The following ARHGEF38 variants were observed in gnomAD, a reference collection of about 807,000 sequenced individuals.
The protein encoded by ARHGEF38 is Rho guanine nucleotide exchange factor (GEF) 38.
A neutral mutation model predicts 79.9 loss-of-function variants in ARHGEF38; 79 were observed. The observed-to-expected ratio is 0.99, with a 90% CI of 0.82 to 1.19. The LOEUF is 1.19. Ranked by LOEUF, ARHGEF38 falls within the 50% of genes most tolerant of loss-of-function variation. The probability of loss-of-function intolerance (pLI) is 0.00; values close to 1 mark genes in which losing one functional copy is unlikely to be tolerated. For missense variants in ARHGEF38, 962 were observed against 907.2 expected, an observed-to-expected ratio of 1.06 and a Z score of -0.78; for synonymous variants, 366 against 328.3, an observed-to-expected ratio of 1.11 and a Z score of -1.24.
intron 3 of ARHGEF38, among the ~76,000 whole-genome samples, chr4:105,621,764 A>C (rs1364067517): frequency 6.6e-6 from 1 of 152,178 alleles, no homozygotes; most frequent in East Asian, 1.9e-4. Context: ...TGTTTTACTC[A>C]GGACACAAAT....
At chr4:105,576,618 G>C (rs1726514840) in intron 1 of ARHGEF38, among the ~76,000 whole-genome samples, 1 of 152,036 alleles carries the variant, frequency 6.6e-6, no homozygotes, top group Admixed American at 6.6e-5. Context: ...TCACCAGTGA[G>C]CAGTGAAGTT....
chr4:105,552,693 T>G lies in ARHGEF38; in HGVS notation c.-73T>G, dbSNP rs1725051908. The G allele has an allele frequency of 2.3e-6, 3 of 1,310,504 alleles. No homozygotes were observed. The East Asian group carries it at 7.0e-5, about 31-fold the overall frequency. 81.2% of individuals were successfully genotyped at this position (1,310,504 alleles called of 1,614,324 possible). A position where few individuals can be genotyped will look rare whatever the true frequency, so the allele number is the denominator to read the frequency against. On this transcript the variant is annotated 5_prime_UTR_variant, in exon 1 of 14. Coordinates refer to ENST00000420470, the MANE Select transcript of ARHGEF38 (RefSeq NM_001242729.2). ...CAGATAAACTCGTCACTCTAGTAGC[T>G]TTAACCCTCACCCTGAGGCACCTTA...
At position 105,589,228 on chromosome 4, in the gene ARHGEF38, T is replaced by C. The variant is rs1208126855; in HGVS notation, c.197-20T>C. ...AAACCTCAGCAGAATGCCTCACCTG[T>C]ATATGTTTTCATTTAACAGAAAAGA... On this transcript the variant is annotated intron_variant, in intron 1 of 13. Coordinates refer to ENST00000420470, the MANE Select transcript of ARHGEF38 (RefSeq NM_001242729.2). The C allele has an allele frequency of 3.1e-6, 5 of 1,598,400 alleles. No homozygotes were observed. The highest frequency in any genetic ancestry group is 4.5e-5 in the East Asian group (2 of 44,750).
chr4:105,601,948 T>C (rs891382465), intron 2 of ARHGEF38, among the ~76,000 whole-genome samples: 8 of 152,206 alleles, frequency 5.3e-5, no homozygotes, highest in African/African-American at 1.7e-4. Flanking sequence ...TTATGAATCA[T>C]GAATTTTGTC....
rs1452250828 is a variant in ARHGEF38 at position 105,659,338 on chromosome 4, A to G, written c.1518A>G (p.Ala506=). 6 of 1,535,176 alleles carry G rather than the reference A, an allele frequency of 3.9e-6. No individual in the cohort carries two copies. Among genetic ancestry groups the G allele is most frequent in the Admixed American group, 2.0e-5 (1 of 50,968 alleles). Residue 506 remains alanine, a synonymous_variant, in exon 10 of 14, where the codon GCA becomes GCG. Coordinates refer to ENST00000420470, the MANE Select transcript of ARHGEF38 (RefSeq NM_001242729.2). ...TCCTTAGGGACCTGATGCTCGTGGC[A>G]CAGCAGGCTTACTCCACACTTGTGC... ...ITLLRDLMLV[A]QQAYSTLVPM...
intron 10 of ARHGEF38, 84 bp downstream of exon 10, chr4:105,659,449 A>C: frequency 7.5e-7 from 1 of 1,325,938 alleles, no homozygotes. Flanking sequence ...CCCTGTTCAG[A>C]GTGTGCACAT....
intron 2 of ARHGEF38, among the ~76,000 whole-genome samples, chr4:105,608,677 T>C (rs1259740547): frequency 6.6e-6 from 1 of 151,992 alleles, no homozygotes; most frequent in East Asian, 1.9e-4. Context: ...TTGTTAACTA[T>C]AGTCACCCTG....
At chr4:105,613,636 T>G in intron 3 of ARHGEF38, 129 bp downstream of exon 3, 2 of 984,246 alleles carry the variant, frequency 2.0e-6, no homozygotes, top group South Asian at 1.9e-5. Context: ...TAAACCCATC[T>G]TTGGGCTCAT....
chr4:105,575,084 T>G (rs1375387838), intron 1 of ARHGEF38, among the ~76,000 whole-genome samples: 3 of 152,060 alleles, frequency 2.0e-5, no homozygotes, highest in Non-Finnish European at 4.4e-5. Context: ...TTAGGTTGGC[T>G]TCATATCTTT....
intron 1 of ARHGEF38, among the ~76,000 whole-genome samples, chr4:105,567,774 AG>A (rs1169651962): frequency 2.0e-5 from 3 of 152,140 alleles, no homozygotes; most frequent in Non-Finnish European, 2.9e-5. Context: ...ATTAGATATA[AG>A]GTTTTTTTTT....
chr4:105,562,768 G>T (rs1578255627), intron 1 of ARHGEF38, among the ~76,000 whole-genome samples: 1 of 152,178 alleles, frequency 6.6e-6, no homozygotes. Context: ...TGCAAATTGG[G>T]TTTCCGACTT....
intron 5 of ARHGEF38, among the ~76,000 whole-genome samples, chr4:105,639,370 T>C (rs941267846): frequency 1.4e-4 from 22 of 152,142 alleles, no homozygotes; most frequent in African/African-American, 4.1e-4. Flanking sequence ...TTTTAATCTA[T>C]AAAATTTTAC....
chr4:105,642,851 T>A (rs988025982), intron 5 of ARHGEF38, among the ~76,000 whole-genome samples: 1 of 152,158 alleles, frequency 6.6e-6, no homozygotes, highest in Non-Finnish European at 1.5e-5. Context: ...CTTTTAGTGA[T>A]TTTCAAAGAT....
At chr4:105,580,444 C>G (rs1287505917) in intron 1 of ARHGEF38, among the ~76,000 whole-genome samples, 2 of 152,180 alleles carry the variant, frequency 1.3e-5, no homozygotes, top group Non-Finnish European at 2.9e-5. Flanking sequence ...CAACAAACTT[C>G]TTGATTTCTC....
chr4:105,566,694 C>T (rs1725929494), intron 1 of ARHGEF38, among the ~76,000 whole-genome samples: 1 of 151,398 alleles, frequency 6.6e-6, no homozygotes, highest in South Asian at 2.1e-4. Flanking sequence ...ACCCGTTAAT[C>T]ATCCCCCTTT....
intron 1 of ARHGEF38, chr4:105,561,509 A>AGAATG (rs1725614159): frequency 8.1e-6 from 1 of 123,334 alleles, no homozygotes. Context: ...AGAATAGAAT[A>AGAATG]GAATAGAATA....
At chr4:105,621,636 G>T (rs909263803) in intron 3 of ARHGEF38, among the ~76,000 whole-genome samples, 2 of 152,186 alleles carry the variant, frequency 1.3e-5, no homozygotes, top group South Asian at 2.1e-4. Context: ...TTAGCAGTGA[G>T]TTTGTGAGAA....
At chr4:105,646,471 G>T (rs1448322099) in intron 6 of ARHGEF38, among the ~76,000 whole-genome samples, 1 of 152,190 alleles carries the variant, frequency 6.6e-6, no homozygotes, top group African/African-American at 2.4e-5. Context: ...CAGTCCAAGA[G>T]ACTGGAGGGA....
At chr4:105,567,008 C>A (rs955214451) in intron 1 of ARHGEF38, among the ~76,000 whole-genome samples, 3 of 152,180 alleles carry the variant, frequency 2.0e-5, no homozygotes, top group Non-Finnish European at 2.9e-5. Flanking sequence ...CTGCCTTGGC[C>A]TCTGAAAGTG....
Sources: gnomAD v4.1 joint callset for allele counts (sites outside exome capture counted in the v4.1 genomes callset) on GRCh38, gnomAD v4.1.1 for gene constraint, MANE v1.5 for transcripts, NCBI Gene and HGNC (gene_info 2026-07-23, HGNC 2026-07-21) for gene names.